The following CCDC141 variants were observed in gnomAD, a reference collection of about 807,000 sequenced individuals.
The protein encoded by CCDC141 is coiled-coil domain containing 141.
In CCDC141, 168 loss-of-function variants were observed where a neutral mutation model predicts 181.0. That is an observed-to-expected ratio of 0.93 (90% CI 0.82 to 1.05). The LOEUF (loss-of-function observed/expected upper bound fraction) is 1.05. Ranked by LOEUF, CCDC141 falls within the 50% of genes least tolerant of loss-of-function variation. The probability of loss-of-function intolerance (pLI) is 0.00; values close to 1 mark genes in which losing one functional copy is unlikely to be tolerated. For synonymous variants in CCDC141, 666 were observed against 642.3 expected, an observed-to-expected ratio of 1.04 and a Z score of -0.56; for missense variants, 1,902 against 1,788.5, an observed-to-expected ratio of 1.06 and a Z score of -1.14.
intron 2 of CCDC141, among the ~76,000 whole-genome samples, chr2:179,040,209 G>A (rs1262044365): frequency 1.3e-5 from 2 of 152,110 alleles, no homozygotes; most frequent in African/African-American, 2.4e-5. Context: ...ATGAAGCTTC[G>A]ATCTGTCCTG....
intron 7 of CCDC141, among the ~76,000 whole-genome samples, chr2:178,913,016 A>ATC (rs1688286838): frequency 6.6e-6 from 1 of 152,156 alleles, no homozygotes; most frequent in Admixed American, 6.5e-5. Context: ...GGCTTTCTCC[A>ATC]TCATAGCTTT....
At chr2:179,015,081 TA>T (rs1224948579) in intron 2 of CCDC141, among the ~76,000 whole-genome samples, 4 of 36,048 alleles carry the variant, frequency 1.1e-4, no homozygotes, top group African/African-American at 1.5e-4. Flanking sequence ...TATATATATA[TA>T]TATATATATA....
At chr2:179,038,393 A>G (rs1269061373) in intron 2 of CCDC141, among the ~76,000 whole-genome samples, 2 of 152,080 alleles carry the variant, frequency 1.3e-5, no homozygotes, top group Non-Finnish European at 2.9e-5. Flanking sequence ...CTGGGTACTG[A>G]GTTTCTGTTT....
At chr2:178,923,191 G>A (rs1252019375) in intron 6 of CCDC141, among the ~76,000 whole-genome samples, 1 of 145,668 alleles carries the variant, frequency 6.9e-6, no homozygotes. Context: ...TGCAAGCTCC[G>A]CCTCCCGGGT....
intron 6 of CCDC141, among the ~76,000 whole-genome samples, chr2:178,922,766 G>C (rs2154375049): frequency 6.6e-6 from 1 of 152,348 alleles, no homozygotes; most frequent in South Asian, 2.1e-4. Context: ...TTGGAGTAGA[G>C]CCAAGCCTTT....
intron 7 of CCDC141, among the ~76,000 whole-genome samples, chr2:178,911,589 A>G (rs1688221356): frequency 6.6e-6 from 1 of 152,232 alleles, no homozygotes; most frequent in South Asian, 2.1e-4. Context: ...ACCAACTATA[A>G]GAACTTTTAT....
downstream of CCDC141, chr2:178,829,725 C>T: frequency 6.6e-6 from 1 of 152,214 alleles, no homozygotes; most frequent in East Asian, 1.9e-4. Context: ...TCTGTCATGC[C>T]TTGGCATTTA....
chr2:178,836,494 A>G (rs1684480909), intron 23 of CCDC141: 1 of 161,048 alleles, frequency 6.2e-6, no homozygotes, highest in Non-Finnish European at 1.4e-5. Context: ...GTAAAGGGAA[A>G]TAAAAACAAA....
At chr2:179,031,446 C>T (rs1408769792) in intron 2 of CCDC141, among the ~76,000 whole-genome samples, 1 of 151,872 alleles carries the variant, frequency 6.6e-6, no homozygotes, top group Non-Finnish European at 1.5e-5. Flanking sequence ...TTTGTTCTTA[C>T]TGATTTTCCC....
At chr2:179,006,518 T>C (rs943203785) in intron 2 of CCDC141, among the ~76,000 whole-genome samples, 3 of 152,182 alleles carry the variant, frequency 2.0e-5, no homozygotes, top group Admixed American at 2.0e-4. Flanking sequence ...ATTTCCATGG[T>C]TTAGTGATAC....
intron 2 of CCDC141, among the ~76,000 whole-genome samples, chr2:179,030,436 C>T (rs926579765): frequency 4.6e-5 from 7 of 151,888 alleles, no homozygotes; most frequent in African/African-American, 9.7e-5. Flanking sequence ...GAAACATAAC[C>T]ATAAAAAATC....
At chr2:179,005,347 G>A (rs546271010) in intron 2 of CCDC141, among the ~76,000 whole-genome samples, 19 of 151,816 alleles carry the variant, frequency 1.3e-4, no homozygotes, top group African/African-American at 4.1e-4. Flanking sequence ...ATTAAACAAC[G>A]TAACACACTG....
chr2:179,042,386 C>T (rs906754717), intron 2 of CCDC141, among the ~76,000 whole-genome samples: 12 of 152,194 alleles, frequency 7.9e-5, no homozygotes, highest in Admixed American at 4.6e-4. Flanking sequence ...CTCCGTCTGT[C>T]GCCCAGGCTG....
At chr2:178,890,311 C>CA (rs1687084634) in intron 8 of CCDC141, among the ~76,000 whole-genome samples, 1 of 152,114 alleles carries the variant, frequency 6.6e-6, no homozygotes, top group African/African-American at 2.4e-5. Context: ...GGTCTCACCC[C>CA]AAATGCCCTC....
chr2:179,037,077 G>A (rs879654409), intron 2 of CCDC141, among the ~76,000 whole-genome samples: 7 of 152,218 alleles, frequency 4.6e-5, no homozygotes, highest in Non-Finnish European at 1.0e-4. Flanking sequence ...TGCCCTAGGT[G>A]GGACTCTGGC....
chr2:178,989,640 A>ATAAT (rs1691946011), intron 2 of CCDC141, among the ~76,000 whole-genome samples: 1 of 149,818 alleles, frequency 6.7e-6, no homozygotes, highest in African/African-American at 2.4e-5. Flanking sequence ...AAATAAATAA[A>ATAAT]TAAAACAATA....
chr2:179,049,402 C>A (rs1268672284), intron 1 of CCDC141, among the ~76,000 whole-genome samples: 1 of 152,046 alleles, frequency 6.6e-6, no homozygotes, highest in South Asian at 2.1e-4. Flanking sequence ...GTGCCCTCCC[C>A]CTGTCTGTCG....
chr2:179,048,575 T>C (rs1268640930), intron 1 of CCDC141, among the ~76,000 whole-genome samples: 2 of 152,182 alleles, frequency 1.3e-5, no homozygotes, highest in African/African-American at 2.4e-5. Flanking sequence ...TTTTGAAAAA[T>C]AGTGAGTTTG....
At position 178,918,771 on chromosome 2, in the gene CCDC141, A is replaced by G; in HGVS notation, c.1034T>C (p.Met345Thr). 6.4e-7 allele frequency: 1 copy of G among 1,550,558 alleles called. No homozygotes were observed. Among genetic ancestry groups the G allele is most frequent in the African/African-American group, 1.4e-5 (1 of 73,158 alleles). Residue 345 changes from methionine (M) to threonine (T), a missense_variant, in exon 7 of 24, where the codon ATG becomes ACG. Transcript: ENST00000443758. The part of the protein sequence containing the change: ...SQLQEEFGQL[M>T]VERNTWLKKA... ...CTTTAACCAGGTATTCCTTTCCACC[A>G]TGAGTTGACCAAATTCTTCTTGAAG...
Sources: gnomAD v4.1 joint callset for allele counts (sites outside exome capture counted in the v4.1 genomes callset) on GRCh38, gnomAD v4.1.1 for gene constraint, MANE v1.5 for transcripts, NCBI Gene and HGNC (gene_info 2026-07-23, HGNC 2026-07-21) for gene names.